Variants in MYO16 observed in about 807,000 individuals in gnomAD.
MYO16 encodes the protein unconventional myosin-XVI.
Under a neutral mutation model 205.3 loss-of-function variants are expected in MYO16, and 94 were observed. The ratio of observed to expected loss-of-function variants is 0.46; its 90% confidence interval spans 0.39 to 0.54. The LOEUF (loss-of-function observed/expected upper bound fraction) is 0.54, where lower values mean the gene tolerates loss of function less well. MYO16 is among the 20% of genes least tolerant of loss of function. The probability of loss-of-function intolerance (pLI) is 0.00; values close to 1 mark genes in which losing one functional copy is unlikely to be tolerated. For missense variants in MYO16, 2,315 were observed against 2,387.5 expected, an observed-to-expected ratio of 0.97 and a Z score of 0.63; for synonymous variants, 988 against 954.0, an observed-to-expected ratio of 1.04 and a Z score of -0.66.
At chr13:108,776,806 G>A (rs952741798) in intron 4 of MYO16, among the ~76,000 whole-genome samples, 1 of 152,116 alleles carries the variant, frequency 6.6e-6, no homozygotes, top group Non-Finnish European at 1.5e-5. Flanking sequence ...ACAACTCTGG[G>A]AGAATTAAAG....
chr13:109,166,213 C>T (rs919228608), intron 33 of MYO16, among the ~76,000 whole-genome samples: 7 of 152,094 alleles, frequency 4.6e-5, no homozygotes, highest in African/African-American at 1.7e-4. Context: ...TACTCAGCCC[C>T]CCACGAAATA....
At chr13:108,980,786 G>A (rs892620460) in intron 20 of MYO16, among the ~76,000 whole-genome samples, 1 of 152,192 alleles carries the variant, frequency 6.6e-6, no homozygotes, top group Non-Finnish European at 1.5e-5. Flanking sequence ...GTGAAGCTAC[G>A]ATTATTGTGG....
chr13:109,164,638 G>C (rs982244394), intron 32 of MYO16, among the ~76,000 whole-genome samples: 3 of 152,094 alleles, frequency 2.0e-5, no homozygotes, highest in African/African-American at 7.2e-5. Context: ...CAAGTTATTT[G>C]ATCTATGACA....
In MYO16 at chr13:109,125,159, A is replaced by G. The variant is rs879452690; in HGVS notation, c.3583A>G (p.Ile1195Val). 25 of 1,614,066 alleles carry G rather than the reference A, an allele frequency of 1.5e-5. No individual in the cohort carries two copies. Among genetic ancestry groups the G allele is most frequent in the Non-Finnish European group, 2.1e-5 (25 of 1,180,018 alleles). Residue 1195 changes from isoleucine (I) to valine (V), a missense_variant, in exon 30 of 35, where the codon ATC becomes GTC. Transcript: ENST00000457511. The surrounding 1 kb of genome is among the most constrained non-coding windows in gnomAD (Gnocchi z 4.0). ...ARQHLLQRIS[I>V]RQQEVTSINS... is the part of the protein sequence containing the mutation. Reference sequence around the variant, plus strand: ...CCAGCACCTGCTTCAGAGAATAAGCATCAGACAACAAGAGGTGACTTCTAT... The same window carrying G: ...CCAGCACCTGCTTCAGAGAATAAGCGTCAGACAACAAGAGGTGACTTCTAT...
intron 28 of MYO16, 142 bp from the exon 29 acceptor site, chr13:109,120,228 T>TA (rs915665615): frequency 3.3e-6 from 2 of 610,372 alleles, no homozygotes; most frequent in African/African-American, 3.7e-5. Context: ...TAATAGTGTT[T>TA]AAGAATCAGA....
chr13:108,905,589 A>T (rs936642512), intron 15 of MYO16, among the ~76,000 whole-genome samples: 19 of 152,188 alleles, frequency 1.2e-4, no homozygotes, highest in Non-Finnish European at 2.2e-4. Flanking sequence ...CAAGAAAATG[A>T]TCTCCTCTTC....
rs201906153 is a variant in MYO16 at position 108,908,972 on chromosome 13, C to CAAAAA, written c.1778-1027_1778-1023dup. Among the ~76,000 whole-genome samples, 822 of 111,344 alleles carry CAAAAA rather than the reference C, an allele frequency of 7.4e-3. 10 individuals are homozygous for CAAAAA. The highest frequency in any genetic ancestry group is 0.064 in the East Asian group (239 of 3,760). The allele number at this position is 111,344 out of a possible 152,430, so 73.0% of individuals were successfully genotyped here. ...TGGGCAATAGAGTGAGACTGTGTCT[C>CAAAAA]AAAAAAAATAAAATAAAATAAATAA... On this transcript the variant is annotated intron_variant, in intron 15 of 34. Transcript: ENST00000457511.
intron 27 of MYO16, among the ~76,000 whole-genome samples, chr13:109,095,760 TG>T (rs752371967): frequency 1.3e-5 from 2 of 152,224 alleles, no homozygotes; most frequent in African/African-American, 2.4e-5. Flanking sequence ...TTCATTTCAG[TG>T]TATTACTCTG....
chr13:108,886,766 G>T (rs1313913303), intron 13 of MYO16, among the ~76,000 whole-genome samples: 1 of 152,034 alleles, frequency 6.6e-6, no homozygotes, highest in Non-Finnish European at 1.5e-5. Context: ...TCGTGGGGCG[G>T]GTCGGAGCTT....
At chr13:109,095,279 C>T (rs992506160) in intron 27 of MYO16, among the ~76,000 whole-genome samples, 3 of 152,206 alleles carry the variant, frequency 2.0e-5, no homozygotes, top group Admixed American at 6.5e-5. Flanking sequence ...ATGACAGACG[C>T]TGGGACAGTG....
At chr13:108,701,540 A>G (rs1190384347) in intron 2 of MYO16, among the ~76,000 whole-genome samples, 1 of 152,226 alleles carries the variant, frequency 6.6e-6, no homozygotes, top group Admixed American at 6.5e-5. Flanking sequence ...ACTTCTCAGG[A>G]TATAGAACAG....
chr13:108,639,664 G>T (rs539895234), intron 1 of MYO16, among the ~76,000 whole-genome samples: 1 of 152,322 alleles, frequency 6.6e-6, no homozygotes, highest in East Asian at 1.9e-4. Flanking sequence ...CCTAAAAGTG[G>T]AAAGTAAAGA....
At chr13:109,054,786 T>TGA (rs1380264686) in intron 25 of MYO16, among the ~76,000 whole-genome samples, 3 of 152,176 alleles carry the variant, frequency 2.0e-5, no homozygotes, top group Non-Finnish European at 2.9e-5. Context: ...TGCCTGTAAG[T>TGA]GAATGTACAT....
At chr13:108,626,696 T>A (rs993027645), upstream of MYO16, among the ~76,000 whole-genome samples, 1 of 151,522 alleles carries the variant, frequency 6.6e-6, no homozygotes, top group African/African-American at 2.4e-5. Context: ...TCCAGCTACT[T>A]GGGAGGCTGA....
At chr13:108,909,830 A>G (rs1400276257) in intron 15 of MYO16, among the ~76,000 whole-genome samples, 173 bp from the exon 16 acceptor site, 4 of 152,170 alleles carry the variant, frequency 2.6e-5, no homozygotes, top group African/African-American at 9.7e-5. Flanking sequence ...TCTTTTCAGC[A>G]TCGTATTGAA....
chr13:108,956,109 C>T (rs1443466695), intron 16 of MYO16, among the ~76,000 whole-genome samples: 1 of 152,142 alleles, frequency 6.6e-6, no homozygotes, highest in Non-Finnish European at 1.5e-5. Context: ...TAAACTTTAA[C>T]AAGTAATTTA....
At chr13:108,937,934 G>A (rs779819670) in intron 16 of MYO16, among the ~76,000 whole-genome samples, 4 of 152,084 alleles carry the variant, frequency 2.6e-5, no homozygotes, top group African/African-American at 9.7e-5. Flanking sequence ...GCAATCCTTT[G>A]GTGGTGTCAC....
chr13:108,891,335 T>C (rs1476491804), intron 14 of MYO16, among the ~76,000 whole-genome samples: 1 of 152,236 alleles, frequency 6.6e-6, no homozygotes, highest in East Asian at 1.9e-4. Flanking sequence ...TCTTCCTTTT[T>C]ATACAACCTT....
At chr13:108,835,864 G>C (rs546145987) in intron 9 of MYO16, among the ~76,000 whole-genome samples, 2 of 152,172 alleles carry the variant, frequency 1.3e-5, no homozygotes, top group Non-Finnish European at 2.9e-5. Flanking sequence ...AAGCAGCAAA[G>C]CGTTCAAAAG....
Sources: allele counts gnomAD v4.1 joint callset (sites outside exome capture counted in the v4.1 genomes callset), GRCh38; gene constraint gnomAD v4.1.1; non-coding constraint Gnocchi (gnomAD v3.1); transcripts MANE v1.5; gene names NCBI Gene and HGNC (gene_info 2026-07-23, HGNC 2026-07-21).